The following STX19 variants were observed in gnomAD, a reference collection of about 807,000 sequenced individuals.
The protein encoded by STX19 is syntaxin-19.
STX19 carries 26 observed loss-of-function variants against 24.3 expected under a neutral mutation model. The ratio of observed to expected loss-of-function variants is 1.07; its 90% CI spans 0.78 to 1.48. The LOEUF (loss-of-function observed/expected upper bound fraction) is 1.48, where lower values mean the gene tolerates loss of function less well. Among genes scored for constraint, STX19 ranks in the 40% most tolerant of loss-of-function variants. STX19 has a pLI of 0.00. For missense variants in STX19, 367 were observed against 331.9 expected, an observed-to-expected ratio of 1.11 and a Z score of -0.82; for synonymous variants, 116 against 106.9, an observed-to-expected ratio of 1.09 and a Z score of -0.52.
chr3:94,014,838 A>G lies in STX19; in HGVS notation c.432T>C (p.Phe144=), dbSNP rs2076294689. The G allele has an allele frequency of 1.2e-6, 2 of 1,614,128 alleles. No individual in the cohort carries two copies. The highest frequency in any genetic ancestry group is 1.7e-6 in the Non-Finnish European group (2 of 1,179,986). ...CATTGTATATAAACATGATTTGCTG[A>G]AAATGGCGGAACATTGCAGCATGCT... ...KSQHAAMFRH[F]QQIMFIYNDT... is the part of the protein sequence containing the mutation. The change falls in exon 2 of 2, where the codon TTT becomes TTC. Residue 144 remains phenylalanine (F), a synonymous_variant. Transcript: ENST00000315099.
intron 1 of STX19, among the ~76,000 whole-genome samples, chr3:94,027,915 C>A (rs1405576007): frequency 6.6e-6 from 1 of 151,924 alleles, no homozygotes; most frequent in Non-Finnish European, 1.5e-5. Context: ...GCAATTAAGA[C>A]CATTATAGCA....
intron 1 of STX19, among the ~76,000 whole-genome samples, chr3:94,020,727 G>T (rs1320748499): frequency 6.6e-6 from 1 of 152,092 alleles, no homozygotes; most frequent in East Asian, 1.9e-4. Context: ...AAGTACCGGT[G>T]GGAAACATTT....
intron 1 of STX19, among the ~76,000 whole-genome samples, chr3:94,017,877 A>C (rs996721987): frequency 2.0e-5 from 3 of 152,164 alleles, no homozygotes; most frequent in Non-Finnish European, 4.4e-5. Context: ...GTGAATGTAG[A>C]TAGAAAGGAA....
At chr3:94,020,115 G>A (rs916060737) in intron 1 of STX19, among the ~76,000 whole-genome samples, 7 of 152,096 alleles carry the variant, frequency 4.6e-5, no homozygotes, top group Non-Finnish European at 1.0e-4. Context: ...GAGATCAAGG[G>A]TTTTTATTCA....
intron 1 of STX19, among the ~76,000 whole-genome samples, chr3:94,024,763 T>A (rs1197442443): frequency 6.6e-6 from 1 of 152,058 alleles, no homozygotes; most frequent in Non-Finnish European, 1.5e-5. Context: ...TTTTTTAAAA[T>A]TTTTTGTAAA....
intron 1 of STX19, among the ~76,000 whole-genome samples, chr3:94,026,910 C>T (rs1257401551): frequency 1.3e-5 from 2 of 152,082 alleles, no homozygotes; most frequent in Non-Finnish European, 2.9e-5. Context: ...ACTTGGACAA[C>T]TTGTTCTGGG....
At chr3:94,020,060 A>G (rs938898107) in intron 1 of STX19, among the ~76,000 whole-genome samples, 2 of 152,050 alleles carry the variant, frequency 1.3e-5, no homozygotes, top group Non-Finnish European at 1.5e-5. Context: ...TTACTTATTT[A>G]TATTAACTTA....
At chr3:94,023,795 G>C (rs2076499935) in intron 1 of STX19, among the ~76,000 whole-genome samples, 1 of 151,870 alleles carries the variant, frequency 6.6e-6, no homozygotes, top group Non-Finnish European at 1.5e-5. Flanking sequence ...ACTGTATTAT[G>C]TTACTAATAT....
At chr3:94,027,279 ATAG>A (rs969171786) in intron 1 of STX19, among the ~76,000 whole-genome samples, 5 of 152,088 alleles carry the variant, frequency 3.3e-5, no homozygotes, top group African/African-American at 1.2e-4. Context: ...TGAGGGCCAA[ATAG>A]TAGTTTCTAA....
chr3:94,015,561 T>G (rs1441141537), intron 1 of STX19, among the ~76,000 whole-genome samples: 1 of 152,196 alleles, frequency 6.6e-6, no homozygotes, highest in Non-Finnish European at 1.5e-5. Context: ...TCAAAAATAT[T>G]TGTCACATGA....
intron 1 of STX19, among the ~76,000 whole-genome samples, chr3:94,025,550 A>G (rs1576005283): frequency 6.6e-6 from 1 of 152,054 alleles, no homozygotes; most frequent in Non-Finnish European, 1.5e-5. Context: ...ACTGGTGACC[A>G]CTCTGTTAAA....
intron 1 of STX19, among the ~76,000 whole-genome samples, chr3:94,018,064 T>TA (rs2076368250): frequency 6.6e-6 from 1 of 152,182 alleles, no homozygotes; most frequent in Admixed American, 6.5e-5. Flanking sequence ...ATATGTAATT[T>TA]AAAAAAATTT....
chr3:94,023,621 A>G (rs1250133565), intron 1 of STX19, among the ~76,000 whole-genome samples: 4 of 152,176 alleles, frequency 2.6e-5, no homozygotes, highest in African/African-American at 9.7e-5. Flanking sequence ...AATAAGGGGA[A>G]TTTTAAAGTG....
At chr3:94,021,281 C>T (rs1421067524) in intron 1 of STX19, among the ~76,000 whole-genome samples, 1 of 151,520 alleles carries the variant, frequency 6.6e-6, no homozygotes, top group African/African-American at 2.4e-5. Context: ...GCAATCTCCA[C>T]CTCCTGGGTT....
chr3:94,023,274 C>T (rs1187278336), intron 1 of STX19, among the ~76,000 whole-genome samples: 1 of 152,170 alleles, frequency 6.6e-6, no homozygotes, highest in African/African-American at 2.4e-5. Context: ...ACTACATCTT[C>T]TAGTTTTGTT....
intron 1 of STX19, among the ~76,000 whole-genome samples, chr3:94,025,179 A>T (rs2076529331): frequency 6.6e-6 from 1 of 152,034 alleles, no homozygotes; most frequent in African/African-American, 2.4e-5. Flanking sequence ...ATATTTGAAT[A>T]AAAGGTACTT....
At chr3:94,018,017 G>A (rs1209055234) in intron 1 of STX19, among the ~76,000 whole-genome samples, 2 of 152,110 alleles carry the variant, frequency 1.3e-5, no homozygotes, top group Non-Finnish European at 2.9e-5. Flanking sequence ...AAGATAAATA[G>A]GATATTGACA....
intron 1 of STX19, among the ~76,000 whole-genome samples, chr3:94,017,657 T>C (rs1208047475): frequency 6.6e-6 from 1 of 152,226 alleles, no homozygotes; most frequent in East Asian, 1.9e-4. Context: ...AAGGACAATA[T>C]ACAATTTAAA....
At chr3:94,023,298 C>T (rs1360020735) in intron 1 of STX19, among the ~76,000 whole-genome samples, 1 of 151,986 alleles carries the variant, frequency 6.6e-6, no homozygotes, top group African/African-American at 2.4e-5. Context: ...TCTGAATATT[C>T]TGCCCTGTGT....
Sources: gnomAD v4.1 joint callset for allele counts (sites outside exome capture counted in the v4.1 genomes callset) on GRCh38, gnomAD v4.1.1 for gene constraint, MANE v1.5 for transcripts, NCBI Gene and HGNC (gene_info 2026-07-23, HGNC 2026-07-21) for gene names.